Variants in CHRNA7 observed in about 807,000 individuals in gnomAD.
CHRNA7 encodes the protein cholinergic receptor nicotinic alpha 7 subunit, also known as neuronal acetylcholine receptor subunit alpha-7.
A neutral mutation model predicts 48.0 loss-of-function variants in CHRNA7; 17 were observed. The ratio of observed to expected loss-of-function variants is 0.35; its 90% CI spans 0.24 to 0.53. CHRNA7 has a LOEUF of 0.53. Ranked by LOEUF, CHRNA7 falls within the 20% of genes least tolerant of loss-of-function variation. The probability of loss-of-function intolerance (pLI) is 0.92; values close to 1 mark genes in which losing one functional copy is unlikely to be tolerated. For missense variants in CHRNA7, 155 were observed against 577.7 expected, an observed-to-expected ratio of 0.27 and a Z score of 7.50; for synonymous variants, 75 against 242.3, an observed-to-expected ratio of 0.31 and a Z score of 6.41.
chr15:32,094,914 C>T (rs1277621559), intron 2 of CHRNA7, among the ~76,000 whole-genome samples: 3 of 152,234 alleles, frequency 2.0e-5, no homozygotes, highest in Admixed American at 2.0e-4. Context: ...TCCCAAAGTG[C>T]TGGAATTACA....
At chr15:32,045,492 T>C (rs1291135228) in intron 2 of CHRNA7, among the ~76,000 whole-genome samples, 1 of 152,152 alleles carries the variant, frequency 6.6e-6, no homozygotes, top group Admixed American at 6.5e-5. Context: ...ATATACATTC[T>C]AGGGCATAAA....
At chr15:32,072,933 G>A (rs1025856504) in intron 2 of CHRNA7, among the ~76,000 whole-genome samples, 3 of 152,212 alleles carry the variant, frequency 2.0e-5, no homozygotes, top group African/African-American at 7.2e-5. Context: ...CGTCTAATAG[G>A]GTAGTGCTGA....
intron 3 of CHRNA7, among the ~76,000 whole-genome samples, chr15:32,110,908 C>G (rs934404895): frequency 6.6e-6 from 1 of 152,118 alleles, no homozygotes; most frequent in African/African-American, 2.4e-5. Flanking sequence ...AGCTTCAGAG[C>G]ATGGGTGGTA....
chr15:32,117,011 A>G (rs2050883751), intron 4 of CHRNA7, among the ~76,000 whole-genome samples: 1 of 152,140 alleles, frequency 6.6e-6, no homozygotes, highest in Non-Finnish European at 1.5e-5. Context: ...AAGCACTCAT[A>G]ATTGTGCTCA....
At chr15:32,084,085 A>G (rs2050257429) in intron 2 of CHRNA7, among the ~76,000 whole-genome samples, 2 of 152,178 alleles carry the variant, frequency 1.3e-5, no homozygotes, top group African/African-American at 2.4e-5. Context: ...GTGTTTCTGG[A>G]CACCAGTAAT....
chr15:32,038,348 T>C (rs2049388605), intron 2 of CHRNA7, among the ~76,000 whole-genome samples: 1 of 151,884 alleles, frequency 6.6e-6, no homozygotes, highest in African/African-American at 2.4e-5. Flanking sequence ...TTGTGATGAA[T>C]AGGAGTTGGA....
At chr15:32,144,313 G>A (rs1346291605) in intron 4 of CHRNA7, among the ~76,000 whole-genome samples, 1 of 152,184 alleles carries the variant, frequency 6.6e-6, no homozygotes, top group Non-Finnish European at 1.5e-5. Context: ...CCCTTTGTGG[G>A]TAACCCGACT....
intron 2 of CHRNA7, among the ~76,000 whole-genome samples, chr15:32,074,170 C>G (rs190887992): frequency 6.6e-6 from 1 of 151,422 alleles, no homozygotes; most frequent in African/African-American, 2.4e-5. Context: ...AATTTTGTAT[C>G]CTGCAGCTTT....
intron 2 of CHRNA7, among the ~76,000 whole-genome samples, chr15:32,095,673 G>A (rs775575573): frequency 2.8e-4 from 43 of 152,100 alleles, no homozygotes; most frequent in Non-Finnish European, 5.6e-4. Context: ...GGGAAAAGGG[G>A]GATGAAAGAG....
intron 4 of CHRNA7, among the ~76,000 whole-genome samples, chr15:32,122,899 A>T (rs1391658631): frequency 6.6e-6 from 1 of 152,080 alleles, no homozygotes; most frequent in Non-Finnish European, 1.5e-5. Context: ...AAAAAAAAAA[A>T]AAAATCACAA....
chr15:32,082,530 G>T (rs1490423187), intron 2 of CHRNA7, among the ~76,000 whole-genome samples: 4 of 151,944 alleles, frequency 2.6e-5, no homozygotes, highest in Non-Finnish European at 5.9e-5. Context: ...CATATTTGTG[G>T]CAATACAGGA....
chr15:32,073,916 C>T (rs1423903695), intron 2 of CHRNA7, among the ~76,000 whole-genome samples: 1 of 152,100 alleles, frequency 6.6e-6, no homozygotes, highest in East Asian at 1.9e-4. Flanking sequence ...ATTACCCAGT[C>T]TCAGGTATTC....
At chr15:32,048,560 T>C (rs982674824) in intron 2 of CHRNA7, among the ~76,000 whole-genome samples, 4 of 152,082 alleles carry the variant, frequency 2.6e-5, no homozygotes, top group African/African-American at 9.7e-5. Context: ...TCTTCTCTCT[T>C]TTTTTCTTTA....
Position 32,055,991 on chromosome 15 carries a change from C to CA in CHRNA7, c.195+24960dup, listed in dbSNP as rs575070917. Among the ~76,000 whole-genome samples the CA allele has an allele frequency of 2.5e-4, 38 of 151,656 alleles. No individual in the cohort carries two copies. The South Asian group carries it at 7.7e-3, about 31-fold the overall frequency. ...GAGACTCTGTATCAAAAAAAAAAAC[C>CA]AAAAAACAAAACCATTGCAGTTATA... On this transcript the variant is annotated intron_variant, in intron 2 of 9. Transcript: ENST00000306901.
intron 4 of CHRNA7, among the ~76,000 whole-genome samples, chr15:32,138,684 A>G (rs747884812): frequency 2.4e-4 from 37 of 151,600 alleles, no homozygotes; most frequent in Admixed American, 1.3e-3. Flanking sequence ...TGCTCCACCT[A>G]TTCATCCCGC....
intron 3 of CHRNA7, among the ~76,000 whole-genome samples, chr15:32,106,609 G>T (rs1269978126): frequency 6.6e-6 from 1 of 152,142 alleles, no homozygotes; most frequent in Non-Finnish European, 1.5e-5. Context: ...TGAGAGGGTT[G>T]TCAGACATAA....
intron 4 of CHRNA7, among the ~76,000 whole-genome samples, chr15:32,137,735 TGA>T (rs781737619): frequency 3.3e-5 from 5 of 152,256 alleles, no homozygotes; most frequent in Non-Finnish European, 5.9e-5. Flanking sequence ...ATGTGTGGTG[TGA>T]GTTTGTGTGT....
intron 2 of CHRNA7, among the ~76,000 whole-genome samples, chr15:32,034,955 G>A (rs1166369356): frequency 2.6e-5 from 4 of 152,172 alleles, no homozygotes; most frequent in African/African-American, 4.8e-5. Flanking sequence ...GAAAGGTAAC[G>A]GACAAGGAGG....
In CHRNA7 at chr15:32,111,809, T is replaced by C. The variant is rs775075161; in HGVS notation, c.260T>C (p.Leu87Ser). 3 of 1,612,830 alleles carry C rather than the reference T, an allele frequency of 1.9e-6. No homozygotes were observed. The highest frequency in any genetic ancestry group is 2.5e-6 in the Non-Finnish European group (3 of 1,178,746). The change falls in exon 4 of 10, where the codon TTA becomes TCA. Residue 87 changes from leucine to serine, a missense_variant. Coordinates refer to ENST00000306901, the MANE Select transcript of CHRNA7 (RefSeq NM_000746.6). The stretch of plus-strand genomic sequence containing the variant: ...TGTCAGTCTTGGACAGATCACTATT[T>C]ACAGTGGAATGTGTCAGAATATCCA... Reference protein sequence around the residue: ...WLQMSWTDHYLQWNVSEYPGV... With the variant: ...WLQMSWTDHYSQWNVSEYPGV...
Sources: allele counts gnomAD v4.1 joint callset (sites outside exome capture counted in the v4.1 genomes callset), GRCh38; gene constraint gnomAD v4.1.1; transcripts MANE v1.5; gene names NCBI Gene and HGNC (gene_info 2026-07-23, HGNC 2026-07-21).